Variants in DNM3 observed in about 807,000 individuals in gnomAD.
The protein encoded by DNM3 is dynamin 3.
In DNM3, 47 loss-of-function variants were observed where a neutral mutation model predicts 101.6. That is an observed-to-expected ratio of 0.46 (90% CI 0.37 to 0.59). DNM3 has a LOEUF of 0.59. Among genes scored for constraint, DNM3 ranks in the 20% least tolerant of loss-of-function variants. DNM3 has a pLI of 0.00. For synonymous variants in DNM3, 385 were observed against 387.9 expected (o/e 0.99, Z 0.09); for missense variants, 849 against 1,085.7 (o/e 0.78, Z 3.06).
chr1:172,095,637 G>A (rs1422701666), intron 13 of DNM3, among the ~76,000 whole-genome samples: 2 of 152,086 alleles, frequency 1.3e-5, no homozygotes, highest in African/African-American at 2.4e-5. Context: ...TTTTCTGGTT[G>A]GTGGGGCTGA....
intron 14 of DNM3, among the ~76,000 whole-genome samples, chr1:172,214,213 T>C (rs949390027): frequency 6.6e-6 from 1 of 152,152 alleles, no homozygotes; most frequent in Admixed American, 6.6e-5. Context: ...TAACTTGTCA[T>C]AATCCTTATG....
intron 13 of DNM3, among the ~76,000 whole-genome samples, chr1:172,129,117 T>C (rs1292108985): frequency 6.6e-6 from 1 of 152,214 alleles, no homozygotes; most frequent in Non-Finnish European, 1.5e-5. Context: ...TATATTTTCA[T>C]TGAGTGGTAT....
chr1:172,119,200 G>A (rs975723222), intron 13 of DNM3, among the ~76,000 whole-genome samples: 21 of 151,764 alleles, frequency 1.4e-4, no homozygotes, highest in Admixed American at 2.0e-4. Context: ...CCATATTGGT[G>A]AGGCTGGTCT....
intron 17 of DNM3, among the ~76,000 whole-genome samples, chr1:172,365,494 T>TG (rs551399328): frequency 2.3e-4 from 35 of 152,112 alleles, no homozygotes; most frequent in South Asian, 2.3e-3. Flanking sequence ...AATGGCACTG[T>TG]GGTTATGAGT....
intron 17 of DNM3, among the ~76,000 whole-genome samples, chr1:172,353,595 C>T (rs554706313): frequency 6.6e-6 from 1 of 152,222 alleles, no homozygotes; most frequent in South Asian, 2.1e-4. Context: ...GAAAATGTCC[C>T]ACTTTTCCTG....
intron 10 of DNM3, among the ~76,000 whole-genome samples, chr1:172,057,047 T>G (rs142722550): frequency 0.35 from 52,319 of 151,458 alleles, 9,893 homozygotes; most frequent in East Asian, 0.68. Flanking sequence ...CGTGAAGAAT[T>G]CAGAAGCCTC....
At chr1:171,865,144 A>C (rs1437635554) in intron 1 of DNM3, among the ~76,000 whole-genome samples, 2 of 152,198 alleles carry the variant, frequency 1.3e-5, no homozygotes, top group Admixed American at 6.5e-5. Flanking sequence ...AACTATATTC[A>C]TTTATTTATT....
chr1:171,856,492 T>C (rs181928568), intron 1 of DNM3, among the ~76,000 whole-genome samples: 82 of 152,370 alleles, frequency 5.4e-4, no homozygotes, highest in African/African-American at 1.9e-3. Flanking sequence ...ATATTGATTC[T>C]TCCTATCCAT....
rs1271231554 is a variant in DNM3, at chr1:172,407,854, G to A, written c.*13G>A. 1.2e-6 allele frequency: 2 copies of A among 1,612,962 alleles called. No homozygotes were observed. The highest frequency in any genetic ancestry group is 2.2e-5 in the East Asian group (1 of 44,866). The stretch of plus-strand genomic sequence containing the variant: ...CCTGTTAGACTAAACGAAGTGTCTG[G>A]CATGGCAATTAATCACTAATGAATT... On this transcript the variant is annotated 3_prime_UTR_variant, in exon 21 of 21. Coordinates refer to ENST00000627582, the MANE Select transcript of DNM3 (RefSeq NM_015569.5).
At chr1:172,193,633 C>G (rs1487396409) in intron 14 of DNM3, among the ~76,000 whole-genome samples, 1 of 152,082 alleles carries the variant, frequency 6.6e-6, no homozygotes, top group Non-Finnish European at 1.5e-5. Context: ...TCTAGATTTT[C>G]TAGTTTATTT....
intron 1 of DNM3, among the ~76,000 whole-genome samples, chr1:171,886,886 A>G (rs552966616): frequency 6.6e-6 from 1 of 152,298 alleles, no homozygotes; most frequent in South Asian, 2.1e-4. Context: ...CAGATTTGTC[A>G]TCGTTTCTGG....
rs2071176872 is a variant in DNM3 at position 172,411,073 on chromosome 1, G to A, written c.*3232G>A. ...GCCACAAGCATGAGTGTGATTGTAT[G>A]TGCACTGTGTGTATATATATAAATA... On this transcript the variant is annotated 3_prime_UTR_variant, in exon 21 of 21. Transcript: ENST00000627582. 3 of 984,824 alleles carry A rather than the reference G, an allele frequency of 3.0e-6. No individual in the cohort carries two copies. The highest frequency in any genetic ancestry group is 2.4e-6 in the Non-Finnish European group (2 of 829,446). The allele number at this position is 984,824 out of a possible 1,614,324, so 61.0% of individuals were successfully genotyped here. A position where few individuals can be genotyped will look rare whatever the true frequency, so the allele number is the denominator to read the frequency against.
chr1:171,935,759 C>T (rs1420321672), intron 2 of DNM3, among the ~76,000 whole-genome samples: 1 of 87,310 alleles, frequency 1.1e-5, no homozygotes, highest in African/African-American at 4.1e-5. Flanking sequence ...GCAAATACTA[C>T]AAATCAAAAC....
chr1:172,025,230 T>C (rs1268408119), intron 4 of DNM3, among the ~76,000 whole-genome samples: 2 of 152,352 alleles, frequency 1.3e-5, no homozygotes, highest in Middle Eastern at 3.4e-3. Context: ...GCAAAGCCGC[T>C]GTAGCCGGAT....
intron 1 of DNM3, among the ~76,000 whole-genome samples, chr1:171,903,766 G>A (rs1057137958): frequency 1.3e-5 from 2 of 152,100 alleles, no homozygotes; most frequent in Admixed American, 6.6e-5. Flanking sequence ...CTGAAAAAGG[G>A]GGCTTAAGTA....
chr1:172,151,600 T>G (rs2058130315), intron 14 of DNM3, among the ~76,000 whole-genome samples: 1 of 152,196 alleles, frequency 6.6e-6, no homozygotes, highest in African/African-American at 2.4e-5. Context: ...TGATTGCTTT[T>G]GAAATAATGT....
At chr1:172,319,325 TGG>T (rs1432228451) in intron 16 of DNM3, among the ~76,000 whole-genome samples, 2 of 152,012 alleles carry the variant, frequency 1.3e-5, no homozygotes, top group Non-Finnish European at 2.9e-5. Context: ...GACATAGGCA[TGG>T]GCAAGGACTT....
At chr1:171,932,075 C>T (rs1170803184) in intron 2 of DNM3, among the ~76,000 whole-genome samples, 1 of 122,034 alleles carries the variant, frequency 8.2e-6, no homozygotes, top group Non-Finnish European at 1.7e-5. Flanking sequence ...TTCCTCCCTC[C>T]CTCCCTCCCT....
intron 4 of DNM3, among the ~76,000 whole-genome samples, chr1:172,021,714 T>G (rs746519295): frequency 6.6e-6 from 1 of 152,208 alleles, no homozygotes; most frequent in African/African-American, 2.4e-5. Context: ...CTCACACTTT[T>G]GGGGTACCTT....
Sources: gnomAD v4.1 joint callset for allele counts (sites outside exome capture counted in the v4.1 genomes callset) on GRCh38, gnomAD v4.1.1 for gene constraint, MANE v1.5 for transcripts, NCBI Gene and HGNC (gene_info 2026-07-23, HGNC 2026-07-21) for gene names.